The following RANBP9 variants were observed in gnomAD, a reference collection of about 807,000 sequenced individuals.
The protein encoded by RANBP9 is ran-binding protein 9.
RANBP9 carries 15 observed loss-of-function variants against 84.3 expected under a neutral mutation model. The observed-to-expected ratio is 0.18, with a 90% CI of 0.12 to 0.27. RANBP9 has a LOEUF of 0.27. Among genes scored for constraint, RANBP9 ranks in the 10% least tolerant of loss-of-function variants. The pLI is 1.00. For synonymous variants in RANBP9, 392 were observed against 349.6 expected (o/e 1.12, Z -1.35); for missense variants, 809 against 912.8 (o/e 0.89, Z 1.46).
intron 1 of RANBP9, among the ~76,000 whole-genome samples, chr6:13,705,335 T>TG (rs1181815155): frequency 8.1e-6 from 1 of 124,012 alleles, no homozygotes; most frequent in Admixed American, 1.2e-4. Flanking sequence ...ATCCAGGAGA[T>TG]GGAGGTTGCA....
At chr6:13,699,769 C>A (rs1231896216) in intron 1 of RANBP9, among the ~76,000 whole-genome samples, 1 of 151,992 alleles carries the variant, frequency 6.6e-6, no homozygotes, top group African/African-American at 2.4e-5. Context: ...GGCTGAGGCA[C>A]AAGAATCGCT....
chr6:13,711,083 G>A lies in RANBP9; in HGVS notation c.423C>T (p.Asn141=), dbSNP rs1217049324. 20 of 1,575,960 alleles carry A rather than the reference G, an allele frequency of 1.3e-5. No homozygotes were observed. Among genetic ancestry groups the A allele is most frequent in the Non-Finnish European group, 1.7e-5 (20 of 1,161,018 alleles). ...APFPHGDSAL[N]EQEKELQRRL... ...GCCGCTGCAACTCCTTCTCCTGCTC[G>A]TTCAGGGCCGAGTCCCCGTGAGGGA... The change falls in exon 1 of 14, where the codon AAC becomes AAT. Residue 141 remains asparagine, a synonymous_variant. Coordinates refer to ENST00000011619, the MANE Select transcript of RANBP9 (RefSeq NM_005493.3).
rs754645097 is a variant in RANBP9, at chr6:13,710,931, G to A, written c.571+4C>T. On this transcript the variant is annotated splice_donor_region_variant and intron_variant, in intron 1 of 13. Transcript: ENST00000011619. ...ACTCCCACCGCAGGACACACGCCCAGTACCTTTGTAGTGCACCCGCAGGTT... is the reference window on the plus strand; with the variant it reads ...ACTCCCACCGCAGGACACACGCCCAATACCTTTGTAGTGCACCCGCAGGTT... 27 of 1,602,424 alleles carry A rather than the reference G, an allele frequency of 1.7e-5. No homozygotes were observed. The highest frequency in any genetic ancestry group is 1.7e-4 in the Middle Eastern group (1 of 6,042).
chr6:13,686,096 T>C (rs1766170897), intron 2 of RANBP9, among the ~76,000 whole-genome samples: 1 of 27,386 alleles, frequency 3.7e-5, no homozygotes, highest in African/African-American at 1.2e-4. Flanking sequence ...TTTCCAAAAT[T>C]TCTTCCCCCC....
At chr6:13,642,259 A>C (rs1367900242) in intron 7 of RANBP9, among the ~76,000 whole-genome samples, 1 of 152,134 alleles carries the variant, frequency 6.6e-6, no homozygotes, top group Non-Finnish European at 1.5e-5. Flanking sequence ...CCTTCAAAAA[A>C]CTTCTGTAAA....
At position 13,637,877 on chromosome 6, in the gene RANBP9, G is replaced by T; in HGVS notation, c.1604C>A (p.Ser535Tyr). Reference sequence around the variant, plus strand: ...GTTTAGTTCTGGTACATTCAAGTTGGATGACTGGTGTTTATTACTATGGCA... The same window carrying T: ...GTTTAGTTCTGGTACATTCAAGTTGTATGACTGGTGTTTATTACTATGGCA... ...SYCHSNKHQS[S>Y]NLNVPELNSI... The change falls in exon 10 of 14, where the codon TCC (serine) becomes TAC (tyrosine). Residue 535 changes from serine to tyrosine, a missense_variant. Physicochemically the swap from Ser to Tyr is moderately radical, Grantham distance 144. Transcript: ENST00000011619. 6.2e-7 allele frequency: 1 copy of T among 1,608,562 alleles called. No individual in the cohort carries two copies. Among genetic ancestry groups the T allele is most frequent in the Non-Finnish European group, 8.5e-7 (1 of 1,175,266 alleles).
chr6:13,705,913 T>C (rs953275805), intron 1 of RANBP9, among the ~76,000 whole-genome samples: 2 of 148,762 alleles, frequency 1.3e-5, no homozygotes, highest in Non-Finnish European at 3.0e-5. Context: ...ACCCCCGTAA[T>C]GCTTAACAGA....
At chr6:13,710,309 G>C (rs1176256428) in intron 1 of RANBP9, among the ~76,000 whole-genome samples, 1 of 152,072 alleles carries the variant, frequency 6.6e-6, no homozygotes. Context: ...GGAGGGGTAG[G>C]TTTCTGCTCC....
chr6:13,670,011 C>T (rs953355519), intron 2 of RANBP9, among the ~76,000 whole-genome samples: 1 of 151,704 alleles, frequency 6.6e-6, no homozygotes, highest in Non-Finnish European at 1.5e-5. Flanking sequence ...CAGCTGAGGT[C>T]GGGCACAGTG....
intron 1 of RANBP9, among the ~76,000 whole-genome samples, chr6:13,705,868 C>CAAAAAAAA (rs767070995): frequency 0.016 from 1,247 of 76,570 alleles, 63 homozygotes; most frequent in African/African-American, 0.063. Context: ...GACTCCGTCT[C>CAAAAAAAA]AAAAAAAAAA....
In RANBP9 at chr6:13,711,207, C is replaced by G; in HGVS notation, c.299G>C (p.Ser100Thr). Residue 100 changes from serine (S) to threonine (T), a missense_variant, in exon 1 of 14, where the codon AGC becomes ACC. This residue lies in a region of RANBP9 where 302 missense variants were observed against 240.1 expected (regional missense o/e 1.26). Coordinates refer to ENST00000011619, the MANE Select transcript of RANBP9 (RefSeq NM_005493.3). ...PPPASAAAPASGPPAPPGLAA... is the reference protein window; with the variant it reads ...PPPASAAAPATGPPAPPGLAA... ...AAGGCCCGGGGGAGCGGGCGGCCCG[C>G]TGGCGGGGGCAGCCGCTGAGGCAGG... is the stretch of plus-strand genomic sequence containing the variant. 1 of 1,069,250 alleles carries G rather than the reference C, an allele frequency of 9.4e-7. No homozygotes were observed. Among genetic ancestry groups the G allele is most frequent in the Non-Finnish European group, 1.1e-6 (1 of 872,260 alleles). 66.2% of individuals were successfully genotyped at this position (1,069,250 alleles called of 1,614,324 possible).
chr6:13,702,707 G>A (rs1174372816), intron 1 of RANBP9, among the ~76,000 whole-genome samples: 1 of 151,658 alleles, frequency 6.6e-6, no homozygotes, highest in Non-Finnish European at 1.5e-5. Context: ...TCCACTATCA[G>A]CCGTTAAAAA....
intron 5 of RANBP9, among the ~76,000 whole-genome samples, chr6:13,647,610 G>C (rs1765200694): frequency 6.6e-6 from 1 of 152,072 alleles, no homozygotes; most frequent in African/African-American, 2.4e-5. Context: ...TTAGAAAGAA[G>C]TCTAAAAGGA....
intron 2 of RANBP9, among the ~76,000 whole-genome samples, chr6:13,678,238 AT>A (rs1239886941): frequency 6.6e-6 from 1 of 152,260 alleles, no homozygotes; most frequent in African/African-American, 2.4e-5. Context: ...ATGAGAACTT[AT>A]AAAAAATAAT....
intron 1 of RANBP9, among the ~76,000 whole-genome samples, chr6:13,703,924 T>G (rs1370488682): frequency 1.3e-5 from 2 of 152,218 alleles, no homozygotes; most frequent in Admixed American, 6.5e-5. Flanking sequence ...TATACTGTAA[T>G]ACAGTCTCCT....
intron 5 of RANBP9, 81 bp from the exon 6 acceptor site, chr6:13,644,810 A>C: frequency 8.8e-7 from 1 of 1,135,782 alleles, no homozygotes; most frequent in East Asian, 2.9e-5. Context: ...ATTTAAAAGA[A>C]TAGAACTATA....
chr6:13,648,572 G>A (rs1008219072), intron 5 of RANBP9, among the ~76,000 whole-genome samples: 1 of 152,094 alleles, frequency 6.6e-6, no homozygotes, highest in African/African-American at 2.4e-5. Flanking sequence ...GACAGAATAG[G>A]TTCTTTATGA....
At chr6:13,632,119 T>G (rs13191719) in intron 12 of RANBP9, among the ~76,000 whole-genome samples, 2 of 2,648 alleles carry the variant, frequency 7.6e-4, no homozygotes, top group South Asian at 0.012. Context: ...GATTTAATCC[T>G]TTTTTTTTTT....
At chr6:13,686,886 C>G (rs780685742) in intron 2 of RANBP9, among the ~76,000 whole-genome samples, 1 of 150,476 alleles carries the variant, frequency 6.6e-6, no homozygotes, top group South Asian at 2.1e-4. Context: ...ACTAATTAAC[C>G]CCCCAAATGA....
Sources: gnomAD v4.1 joint callset for allele counts (sites outside exome capture counted in the v4.1 genomes callset) on GRCh38, gnomAD v4.1.1 for gene constraint, gnomAD v4.1.1 regional missense constraint, MANE v1.5 for transcripts, NCBI Gene and HGNC (gene_info 2026-07-23, HGNC 2026-07-21) for gene names.